RALYL: variants seen among roughly 807,000 people sequenced by gnomAD.
RALYL encodes the protein RNA-binding Raly-like protein.
In RALYL, 29 loss-of-function variants were observed where a neutral mutation model predicts 35.1. The ratio of observed to expected loss-of-function variants is 0.83; its 90% CI spans 0.61 to 1.13. The LOEUF (loss-of-function observed/expected upper bound fraction) is 1.13, where lower values mean the gene tolerates loss of function less well. RALYL is among the 50% of genes most tolerant of loss of function. The probability of loss-of-function intolerance (pLI) is 0.00; values close to 1 mark genes in which losing one functional copy is unlikely to be tolerated. For missense variants in RALYL, 359 were observed against 360.4 expected (o/e 1.00, Z 0.03); for synonymous variants, 120 against 127.6 (o/e 0.94, Z 0.40).
intron 3 of RALYL, among the ~76,000 whole-genome samples, chr8:84,802,776 T>C (rs1227656350): frequency 1.3e-5 from 2 of 152,018 alleles, no homozygotes; most frequent in Non-Finnish European, 2.9e-5. Context: ...AGGAAGTGAG[T>C]GGCAGCATTG....
rs534192752 is a variant in RALYL at position 84,483,322 on chromosome 8, C to T, written c.-23-45977C>T. Among the ~76,000 whole-genome samples the T allele has an allele frequency of 4.6e-5, 7 of 152,122 alleles. No individual in the cohort carries two copies. In the South Asian group the frequency reaches 1.5e-3, roughly 32 times the overall value. ...TAGATATAAACTTTGAAATACTAGACTTGGTGTGTAACTTTTTACTCTTCA... is the reference window on the plus strand; with the variant it reads ...TAGATATAAACTTTGAAATACTAGATTTGGTGTGTAACTTTTTACTCTTCA... On this transcript the variant is annotated intron_variant, in intron 1 of 8. Coordinates refer to ENST00000521268, the MANE Select transcript of RALYL (RefSeq NM_173848.7).
chr8:84,845,868 A>C (rs1834537013), intron 4 of RALYL, among the ~76,000 whole-genome samples: 1 of 152,158 alleles, frequency 6.6e-6, no homozygotes, highest in Admixed American at 6.5e-5. Context: ...CATATCAGCC[A>C]GCTATGATGG....
At chr8:84,301,874 T>G (rs968461497) in intron 1 of RALYL, among the ~76,000 whole-genome samples, 3 of 152,126 alleles carry the variant, frequency 2.0e-5, no homozygotes, top group Non-Finnish European at 4.4e-5. Flanking sequence ...CTTATATAAC[T>G]TATATCTAAT....
At chr8:84,540,127 C>A (rs1281696529) in intron 2 of RALYL, among the ~76,000 whole-genome samples, 1 of 151,512 alleles carries the variant, frequency 6.6e-6, no homozygotes, top group East Asian at 1.9e-4. Flanking sequence ...GATTTTTAAA[C>A]CAGTGTATGT....
At chr8:84,507,994 C>A (rs1401468091) in intron 1 of RALYL, among the ~76,000 whole-genome samples, 4 of 151,928 alleles carry the variant, frequency 2.6e-5, no homozygotes, top group African/African-American at 9.7e-5. Context: ...GTCAAAGAAT[C>A]GAAATAAACA....
intron 1 of RALYL, among the ~76,000 whole-genome samples, chr8:84,296,115 A>G (rs896867445): frequency 1.3e-5 from 2 of 152,096 alleles, no homozygotes; most frequent in Non-Finnish European, 2.9e-5. Flanking sequence ...AGGATTAAGG[A>G]TGGGTGGCAC....
intron 1 of RALYL, among the ~76,000 whole-genome samples, chr8:84,458,553 C>G (rs2050397390): frequency 2.6e-5 from 4 of 151,780 alleles, no homozygotes; most frequent in Admixed American, 2.6e-4. Flanking sequence ...TTACAGAGCT[C>G]CTCCATTATC....
At chr8:84,758,937 A>G (rs1336045135) in intron 2 of RALYL, among the ~76,000 whole-genome samples, 1 of 152,206 alleles carries the variant, frequency 6.6e-6, no homozygotes, top group Non-Finnish European at 1.5e-5. Flanking sequence ...CAGAAGTCCA[A>G]CATAAAGGTA....
At chr8:84,638,539 A>C (rs1434041385) in intron 2 of RALYL, among the ~76,000 whole-genome samples, 1 of 151,918 alleles carries the variant, frequency 6.6e-6, no homozygotes, top group East Asian at 1.9e-4. Context: ...TGAAATAAAT[A>C]AATAAAATTG....
At chr8:84,444,435 C>T (rs548238228) in intron 1 of RALYL, among the ~76,000 whole-genome samples, 12 of 151,984 alleles carry the variant, frequency 7.9e-5, no homozygotes, top group Admixed American at 1.3e-4. Flanking sequence ...GGTATCTGAA[C>T]GAGAAAAAAC....
intron 8 of RALYL, among the ~76,000 whole-genome samples, chr8:84,902,339 C>T (rs984880030): frequency 6.6e-6 from 1 of 152,148 alleles, no homozygotes; most frequent in African/African-American, 2.4e-5. Flanking sequence ...AGTCACTCAC[C>T]ATTGTGAGAA....
At chr8:84,493,018 G>A (rs2055526755) in intron 1 of RALYL, among the ~76,000 whole-genome samples, 1 of 151,948 alleles carries the variant, frequency 6.6e-6, no homozygotes, top group South Asian at 2.1e-4. Flanking sequence ...CCATCACCTA[G>A]GTTTTAAGCC....
rs951497846 is a variant in RALYL at position 84,804,786 on chromosome 8, C to T, written c.349C>T (p.Pro117Ser). The change falls in exon 4 of 9, where the codon CCT becomes TCT. Residue 117 changes from proline to serine, a missense_variant. By Grantham distance (74) the Pro-to-Ser change is moderately conservative (BLOSUM62 -1). Coordinates refer to ENST00000521268, the MANE Select transcript of RALYL (RefSeq NM_173848.7). Reference sequence around the variant, plus strand: ...TTTTCATAGACTTGAATCAAAGGAACCTTTCCTGTCTGTTGGGTAAGTATA... The same window carrying T: ...TTTTCATAGACTTGAATCAAAGGAATCTTTCCTGTCTGTTGGGTAAGTATA... ...SALYRLESKEPFLSVGGYVFD... is the reference protein window; with the variant it reads ...SALYRLESKESFLSVGGYVFD... 8 of 1,169,744 alleles carry T rather than the reference C, an allele frequency of 6.8e-6. No homozygotes were observed. The African/African-American group carries it at 7.9e-5, about 12-fold the overall frequency. 72.5% of individuals were successfully genotyped at this position (1,169,744 alleles called of 1,614,324 possible). A position where few individuals can be genotyped will look rare whatever the true frequency, so the allele number is the denominator to read the frequency against.
chr8:84,184,660 C>A (rs1286155060), intron 1 of RALYL, among the ~76,000 whole-genome samples: 1 of 152,010 alleles, frequency 6.6e-6, no homozygotes, highest in Non-Finnish European at 1.5e-5. Context: ...TCCCCCCACC[C>A]CTCCCACGGT....
At chr8:84,685,591 G>C (rs1203017973) in intron 2 of RALYL, among the ~76,000 whole-genome samples, 1 of 152,112 alleles carries the variant, frequency 6.6e-6, no homozygotes, top group Non-Finnish European at 1.5e-5. Flanking sequence ...GTTACTAATG[G>C]TAGTATAGTC....
At chr8:84,848,435 G>GTA (rs1476104342) in intron 4 of RALYL, among the ~76,000 whole-genome samples, 1 of 119,532 alleles carries the variant, frequency 8.4e-6, no homozygotes. Context: ...ATGTGTGTGT[G>GTA]TGTATATATA....
At chr8:84,678,024 T>A (rs573870755) in intron 2 of RALYL, among the ~76,000 whole-genome samples, 1 of 152,192 alleles carries the variant, frequency 6.6e-6, no homozygotes, top group Non-Finnish European at 1.5e-5. Context: ...AGTCAAGTGA[T>A]ATTACTTTTC....
At chr8:84,317,633 G>A (rs2130244321) in intron 1 of RALYL, among the ~76,000 whole-genome samples, 1 of 152,242 alleles carries the variant, frequency 6.6e-6, no homozygotes, top group Middle Eastern at 3.4e-3. Context: ...TTAAGCACAT[G>A]GCCCTGTAAA....
At chr8:84,713,941 T>C (rs1365979706) in intron 2 of RALYL, among the ~76,000 whole-genome samples, 2 of 151,404 alleles carry the variant, frequency 1.3e-5, no homozygotes, top group African/African-American at 4.8e-5. Flanking sequence ...ATATATCATA[T>C]GTAAATGTCC....
Sources: gnomAD v4.1 joint callset for allele counts (sites outside exome capture counted in the v4.1 genomes callset) on GRCh38, gnomAD v4.1.1 for gene constraint, MANE v1.5 for transcripts, NCBI Gene and HGNC (gene_info 2026-07-23, HGNC 2026-07-21) for gene names.